GPC6: variants seen among roughly 807,000 people sequenced by gnomAD.
GPC6 encodes glypican-6.
GPC6 carries 14 observed loss-of-function variants against 55.2 expected under a neutral mutation model. That is an observed-to-expected ratio of 0.25 (90% CI 0.17 to 0.40). The LOEUF (loss-of-function observed/expected upper bound fraction) is 0.40. Ranked by LOEUF, GPC6 falls within the 10% of genes least tolerant of loss-of-function variation. GPC6 has a pLI of 1.00. For synonymous variants in GPC6, 278 were observed against 259.6 expected (o/e 1.07, Z -0.68); for missense variants, 641 against 708.5 (o/e 0.90, Z 1.08).
intron 1 of GPC6, among the ~76,000 whole-genome samples, chr13:93,492,799 G>T (rs1279801483): frequency 1.3e-5 from 2 of 150,360 alleles, no homozygotes; most frequent in Admixed American, 1.3e-4. Context: ...TTTGTCTTTG[G>T]CTCTGTTTAT....
chr13:93,464,133 G>A (rs1359747035), intron 1 of GPC6, among the ~76,000 whole-genome samples: 2 of 152,140 alleles, frequency 1.3e-5, no homozygotes, highest in Non-Finnish European at 2.9e-5. Flanking sequence ...AAATGATAAT[G>A]ATCGTCTGAT....
chr13:93,346,157 T>G (rs764701252), intron 1 of GPC6, among the ~76,000 whole-genome samples: 3 of 152,186 alleles, frequency 2.0e-5, no homozygotes, highest in Non-Finnish European at 4.4e-5. Context: ...CAGTTCATTT[T>G]TTTTTCATTA....
chr13:94,245,144 G>T (rs1891159625), intron 4 of GPC6, among the ~76,000 whole-genome samples: 2 of 151,992 alleles, frequency 1.3e-5, no homozygotes, highest in Admixed American at 1.3e-4. Context: ...TTGCTACTTT[G>T]TATCCTTTGA....
intron 1 of GPC6, among the ~76,000 whole-genome samples, chr13:93,321,637 C>G (rs1450640153): frequency 6.6e-6 from 1 of 152,122 alleles, no homozygotes; most frequent in Non-Finnish European, 1.5e-5. Context: ...TTAAACCCAT[C>G]AAGTTCAAAT....
intron 1 of GPC6, among the ~76,000 whole-genome samples, chr13:93,415,111 G>A (rs1876649895): frequency 6.6e-6 from 1 of 152,054 alleles, no homozygotes. Context: ...TCAAATTCTG[G>A]CTCTGATATC....
At chr13:93,789,325 A>G (rs1410120350) in intron 2 of GPC6, among the ~76,000 whole-genome samples, 3 of 151,566 alleles carry the variant, frequency 2.0e-5, no homozygotes, top group East Asian at 2.0e-4. Flanking sequence ...TTTCCTATGT[A>G]TATACCTGAT....
chr13:94,232,926 G>A (rs537454662), intron 4 of GPC6, among the ~76,000 whole-genome samples: 81 of 150,250 alleles, frequency 5.4e-4, no homozygotes, highest in South Asian at 2.7e-3. Flanking sequence ...TGTAATTATG[G>A]TTAATGTAAA....
At chr13:93,787,952 A>G (rs903486946) in intron 2 of GPC6, among the ~76,000 whole-genome samples, 6 of 152,170 alleles carry the variant, frequency 3.9e-5, no homozygotes, top group African/African-American at 1.4e-4. Flanking sequence ...TGAAATGGAT[A>G]TGTAGAGCTG....
At chr13:93,347,772 G>A (rs1467002220) in intron 1 of GPC6, among the ~76,000 whole-genome samples, 2 of 152,148 alleles carry the variant, frequency 1.3e-5, no homozygotes, top group Non-Finnish European at 2.9e-5. Context: ...CCAATGAGAG[G>A]TGATTATATG....
At chr13:94,029,856 A>G (rs1473701170) in intron 4 of GPC6, among the ~76,000 whole-genome samples, 1 of 152,216 alleles carries the variant, frequency 6.6e-6, no homozygotes. Context: ...TTTCCTAGAT[A>G]CCGATTTGAT....
chr13:93,671,919 A>G (rs2139628640), intron 2 of GPC6, among the ~76,000 whole-genome samples: 1 of 152,222 alleles, frequency 6.6e-6, no homozygotes, highest in South Asian at 2.1e-4. Flanking sequence ...GTGCGGGGAC[A>G]CTACAATGAC....
chr13:93,812,578 A>G (rs1005737071), intron 2 of GPC6, among the ~76,000 whole-genome samples: 1 of 152,092 alleles, frequency 6.6e-6, no homozygotes, highest in Non-Finnish European at 1.5e-5. Context: ...GCCAAATGCA[A>G]TTTTTTCACT....
intron 6 of GPC6, among the ~76,000 whole-genome samples, chr13:94,338,558 C>T (rs765749752): frequency 4.6e-5 from 7 of 152,150 alleles, no homozygotes; most frequent in South Asian, 2.1e-4. Context: ...CCCAAGTGCT[C>T]CATCATGACA....
chr13:93,926,336 GA>G (rs1012359996), intron 3 of GPC6, among the ~76,000 whole-genome samples: 1 of 152,142 alleles, frequency 6.6e-6, no homozygotes, highest in African/African-American at 2.4e-5. Context: ...ATCTAAGGGA[GA>G]AAAAAGAATA....
intron 4 of GPC6, among the ~76,000 whole-genome samples, chr13:94,098,098 T>G (rs1885730396): frequency 6.6e-6 from 1 of 152,230 alleles, no homozygotes; most frequent in Admixed American, 6.5e-5. Flanking sequence ...GGCATTTGTA[T>G]GAACTCATGA....
chr13:93,646,468 T>C (rs2139593248), intron 2 of GPC6, among the ~76,000 whole-genome samples: 1 of 152,236 alleles, frequency 6.6e-6, no homozygotes, highest in South Asian at 2.1e-4. Context: ...TCCGTAATGA[T>C]GTCATCAACA....
intron 2 of GPC6, among the ~76,000 whole-genome samples, chr13:93,755,764 C>T (rs1884745941): frequency 6.6e-6 from 1 of 152,228 alleles, no homozygotes; most frequent in African/African-American, 2.4e-5. Flanking sequence ...CATTGCCTTT[C>T]AACATTTTGA....
At chr13:94,145,477 T>A (rs934237124) in intron 4 of GPC6, among the ~76,000 whole-genome samples, 1 of 152,134 alleles carries the variant, frequency 6.6e-6, no homozygotes, top group African/African-American at 2.4e-5. Flanking sequence ...GATATTTGTT[T>A]GGGAATTAAA....
intron 3 of GPC6, among the ~76,000 whole-genome samples, chr13:93,993,424 G>T (rs1412008920): frequency 6.6e-6 from 1 of 151,682 alleles, no homozygotes; most frequent in African/African-American, 2.4e-5. Flanking sequence ...CTCCTGAGTA[G>T]CTGGAATTAC....
Sources: allele counts gnomAD v4.1 joint callset (sites outside exome capture counted in the v4.1 genomes callset), GRCh38; gene constraint gnomAD v4.1.1; transcripts MANE v1.5; gene names NCBI Gene and HGNC (gene_info 2026-07-23, HGNC 2026-07-21).